PAPPA: variants seen among roughly 807,000 people sequenced by gnomAD.
PAPPA encodes pappalysin-1.
Under a neutral mutation model 164.0 loss-of-function variants are expected in PAPPA, and 60 were observed. The ratio of observed to expected loss-of-function variants is 0.37; its 90% CI spans 0.30 to 0.45. The LOEUF (loss-of-function observed/expected upper bound fraction) is 0.45. Among genes scored for constraint, PAPPA ranks in the 20% least tolerant of loss-of-function variants. The pLI, the probability that PAPPA is intolerant of heterozygous loss-of-function variation, is 1.00. For synonymous variants in PAPPA, 875 were observed against 814.1 expected, an observed-to-expected ratio of 1.07 and a Z score of -1.27; for missense variants, 1,782 against 2,087.3, an observed-to-expected ratio of 0.85 and a Z score of 2.85.
At position 116,154,405 on chromosome 9, in the gene PAPPA, G is replaced by T; in HGVS notation, c.233G>T (p.Arg78Leu). Reference protein sequence around the residue: ...AWEAVRVPRRRQQREARGATE... With the variant: ...AWEAVRVPRRLQQREARGATE... ...GAAGCCGTGCGCGTCCCCCGGCGGC[G>T]GCAGCAGCGGGAGGCGAGGGGCGCC... The change falls in exon 1 of 22, where the codon CGG becomes CTG. Residue 78 changes from arginine to leucine, a missense_variant. Arg to Leu is a moderately radical substitution (Grantham distance 102). Around this residue, in one of 2 missense-constraint regions of PAPPA, gnomAD observed 458 missense variants for 430.3 expected, o/e 1.06. Transcript: ENST00000328252. This position sits in a 1 kb window ranked among gnomAD's most constrained non-coding sequence, Gnocchi z 5.2. 8.5e-7 allele frequency: 1 copy of T among 1,181,386 alleles called. No individual in the cohort carries two copies. Among genetic ancestry groups the T allele is most frequent in the Non-Finnish European group, 1.1e-6 (1 of 934,902 alleles). 73.2% of individuals were successfully genotyped at this position (1,181,386 alleles called of 1,614,324 possible).
At chr9:116,155,814 G>A (rs1263638141) in intron 1 of PAPPA, among the ~76,000 whole-genome samples, 1 of 151,952 alleles carries the variant, frequency 6.6e-6, no homozygotes, top group Non-Finnish European at 1.5e-5. Flanking sequence ...TACGTCTCCC[G>A]AAGCCCCCGC....
chr9:116,316,848 G>A (rs1167922992), intron 10 of PAPPA, among the ~76,000 whole-genome samples: 1 of 152,180 alleles, frequency 6.6e-6, no homozygotes, highest in Non-Finnish European at 1.5e-5. Context: ...CAAGAGTACT[G>A]CCTCCTCTTC....
intron 9 of PAPPA, among the ~76,000 whole-genome samples, chr9:116,282,146 C>A (rs1335251165): frequency 1.3e-5 from 2 of 152,190 alleles, no homozygotes; most frequent in Non-Finnish European, 2.9e-5. Flanking sequence ...AAATCTGTGG[C>A]TGCTCAATTC....
chr9:116,226,458 A>T (rs1461463204), intron 5 of PAPPA, among the ~76,000 whole-genome samples: 2 of 152,212 alleles, frequency 1.3e-5, no homozygotes, highest in Admixed American at 6.5e-5. Flanking sequence ...GCCAAAGCAC[A>T]GAAGTTCTTC....
chr9:116,285,450 A>G (rs1467333899), intron 9 of PAPPA, among the ~76,000 whole-genome samples: 2 of 151,758 alleles, frequency 1.3e-5, no homozygotes, highest in African/African-American at 4.8e-5. Context: ...CTCCAATACC[A>G]TCTTGTGCTT....
chr9:116,344,114 C>T (rs148847386), intron 13 of PAPPA, among the ~76,000 whole-genome samples: 69 of 152,206 alleles, frequency 4.5e-4, no homozygotes, highest in Non-Finnish European at 6.8e-4. Context: ...TTCTGCTATG[C>T]GTTTTTTTCT....
intron 7 of PAPPA, among the ~76,000 whole-genome samples, chr9:116,245,228 T>C: frequency 6.6e-6 from 1 of 152,106 alleles, no homozygotes; most frequent in East Asian, 1.9e-4. Context: ...ATTCAGACCG[T>C]AGATACCCCC....
intron 10 of PAPPA, among the ~76,000 whole-genome samples, chr9:116,329,995 A>T (rs920494582): frequency 6.6e-6 from 1 of 152,096 alleles, no homozygotes; most frequent in Admixed American, 6.6e-5. Context: ...TAATCCTTGT[A>T]TATACTTTTC....
chr9:116,155,298 G>T (rs1843588114), intron 1 of PAPPA, among the ~76,000 whole-genome samples: 1 of 152,194 alleles, frequency 6.6e-6, no homozygotes, highest in African/African-American at 2.4e-5. Context: ...AGCCCGTAAT[G>T]AATTTGAGTT....
chr9:116,306,354 T>G (rs1564218293), intron 10 of PAPPA, among the ~76,000 whole-genome samples: 2 of 152,336 alleles, frequency 1.3e-5, no homozygotes, highest in South Asian at 2.1e-4. Flanking sequence ...TGATTAAAAC[T>G]TCAGTTTTGA....
intron 2 of PAPPA, among the ~76,000 whole-genome samples, chr9:116,197,271 T>C (rs1844116424): frequency 6.6e-6 from 1 of 152,144 alleles, no homozygotes; most frequent in Non-Finnish European, 1.5e-5. Context: ...ATTTAAAAGG[T>C]ACAAATAAAG....
intron 13 of PAPPA, among the ~76,000 whole-genome samples, chr9:116,342,717 A>G (rs1245894264): frequency 6.6e-6 from 1 of 152,132 alleles, no homozygotes; most frequent in Non-Finnish European, 1.5e-5. Flanking sequence ...TTTGGCCAAA[A>G]TGTCTCCCTG....
chr9:116,350,734 C>T (rs1429027305), intron 15 of PAPPA, among the ~76,000 whole-genome samples: 3 of 152,166 alleles, frequency 2.0e-5, no homozygotes, highest in Admixed American at 2.0e-4. Flanking sequence ...TAGCTGGGCA[C>T]CCCAAAGCAA....
Position 116,214,263 on chromosome 9 carries a change from G to T in PAPPA, c.1918+2331G>T, listed in dbSNP as rs147012353. On this transcript the variant is annotated intron_variant, in intron 4 of 21. Coordinates refer to ENST00000328252, the MANE Select transcript of PAPPA (RefSeq NM_002581.5). ...CATGTGGCTGGTGGCTACCATATTG[G>T]TTAGCTCAGGCCTGCAGTAATTCTT... Among the ~76,000 whole-genome samples the T allele has an allele frequency of 4.0e-3, 612 of 152,234 alleles. 3 individuals are homozygous for T. The highest frequency in any genetic ancestry group is 0.013 in the African/African-American group (551 of 41,542).
At position 116,154,256 on chromosome 9, in the gene PAPPA, C is replaced by T. The variant is rs1843570515; in HGVS notation, c.84C>T (p.Ala28=). The T allele has an allele frequency of 8.2e-7, 1 of 1,218,996 alleles. No homozygotes were observed. Among genetic ancestry groups the T allele is most frequent in the Non-Finnish European group, 1.0e-6 (1 of 974,064 alleles). 75.5% of individuals were successfully genotyped at this position (1,218,996 alleles called of 1,614,324 possible). ...GGCTGGCCGAGCGTCCCCGCCGGGC[C>T]CGGAGAGACCCGCGGGCCGGCCGAC... ...GCGLAERPRR[A]RRDPRAGRPP... Residue 28 remains alanine (A), a synonymous_variant, in exon 1 of 22, where the codon GCC becomes GCT. Coordinates refer to ENST00000328252, the MANE Select transcript of PAPPA (RefSeq NM_002581.5). The surrounding 1 kb of genome is among the most constrained non-coding windows in gnomAD (Gnocchi z 5.2).
intron 9 of PAPPA, among the ~76,000 whole-genome samples, chr9:116,284,434 C>G (rs1845305123): frequency 6.6e-6 from 1 of 151,792 alleles, no homozygotes; most frequent in Non-Finnish European, 1.5e-5. Flanking sequence ...CACAGACCTT[C>G]TTTCACCTAC....
intron 9 of PAPPA, among the ~76,000 whole-genome samples, chr9:116,282,928 C>A (rs181453232): frequency 1.2e-4 from 19 of 152,242 alleles, no homozygotes; most frequent in Admixed American, 5.2e-4. Context: ...TAAGCCAATA[C>A]TGATTAAGTA....
At chr9:116,208,891 T>C (rs1844271524) in intron 3 of PAPPA, among the ~76,000 whole-genome samples, 3 of 152,116 alleles carry the variant, frequency 2.0e-5, no homozygotes. Context: ...GATACAAAGA[T>C]AAATATCTAC....
chr9:116,392,794 T>A (rs1846911460), intron 21 of PAPPA, among the ~76,000 whole-genome samples: 1 of 152,156 alleles, frequency 6.6e-6, no homozygotes, highest in South Asian at 2.1e-4. Context: ...ACTAGAGCCC[T>A]TCGAGGTCTT....
Sources: allele counts gnomAD v4.1 joint callset (sites outside exome capture counted in the v4.1 genomes callset), GRCh38; gene constraint gnomAD v4.1.1; regional missense constraint gnomAD v4.1.1; non-coding constraint Gnocchi (gnomAD v3.1); transcripts MANE v1.5; gene names NCBI Gene and HGNC (gene_info 2026-07-23, HGNC 2026-07-21).